NRXN1: variants seen among roughly 807,000 people sequenced by gnomAD.
The protein encoded by NRXN1 is neurexin-1.
In NRXN1, 39 loss-of-function variants were observed where a neutral mutation model predicts 150.9. The observed-to-expected ratio is 0.26, with a 90% confidence interval of 0.20 to 0.34. The LOEUF is 0.34. Ranked by LOEUF, NRXN1 falls within the 10% of genes least tolerant of loss-of-function variation. NRXN1 has a pLI of 1.00. For missense variants in NRXN1, 1,815 were observed against 1,949.9 expected (o/e 0.93, Z 1.30); for synonymous variants, 924 against 757.0 (o/e 1.22, Z -3.62).
At chr2:50,219,963 T>TAA (rs1491151631) in intron 18 of NRXN1, among the ~76,000 whole-genome samples, 16 of 60,734 alleles carry the variant, frequency 2.6e-4, no homozygotes, top group African/African-American at 1.9e-3. Context: ...AATATATATA[T>TAA]TATATATATA....
At chr2:50,952,217 C>T (rs901129915) in intron 2 of NRXN1, among the ~76,000 whole-genome samples, 11 of 151,648 alleles carry the variant, frequency 7.3e-5, no homozygotes, top group African/African-American at 2.7e-4. Context: ...CCGCCCGCCT[C>T]GGCCTCCCAA....
chr2:50,896,167 G>A (rs890699240), intron 5 of NRXN1, among the ~76,000 whole-genome samples: 11 of 152,002 alleles, frequency 7.2e-5, no homozygotes, highest in Admixed American at 4.6e-4. Flanking sequence ...GCATATCAAT[G>A]TTTCTATTCT....
chr2:50,493,004 G>A (rs2091347289), intron 15 of NRXN1, among the ~76,000 whole-genome samples: 1 of 152,200 alleles, frequency 6.6e-6, no homozygotes, highest in African/African-American at 2.4e-5. Context: ...TATGAACTTC[G>A]CAAACACCAC....
At chr2:50,497,779 C>T in intron 13 of NRXN1, 65 bp from the exon 14 acceptor site, 1 of 1,444,182 alleles carries the variant, frequency 6.9e-7, no homozygotes, top group Non-Finnish European at 9.4e-7. Context: ...TTTAGGCTTT[C>T]ATAACAATAT....
intron 21 of NRXN1, among the ~76,000 whole-genome samples, chr2:49,994,947 G>C (rs1472392995): frequency 6.6e-6 from 1 of 152,186 alleles, no homozygotes; most frequent in Non-Finnish European, 1.5e-5. Flanking sequence ...TGCTGCGAGA[G>C]AATGAAATAT....
At chr2:50,446,129 AG>A in intron 17 of NRXN1, among the ~76,000 whole-genome samples, 1 of 152,202 alleles carries the variant, frequency 6.6e-6, no homozygotes, top group South Asian at 2.1e-4. Context: ...TGGAAAAAAA[AG>A]AAAAAAAAAA....
intron 5 of NRXN1, among the ~76,000 whole-genome samples, chr2:50,761,759 C>T (rs1485247259): frequency 1.3e-5 from 2 of 151,794 alleles, no homozygotes; most frequent in East Asian, 2.0e-4. Flanking sequence ...GGAAGGGTAC[C>T]ATCCAGCTAA....
chr2:50,347,283 G>C lies in NRXN1; in HGVS notation c.3365-110313C>G. ...GGTTCTCGAGAGATACTCCCAAAGAGTTTCGGGCGAGAGTGCGTGCCGGCG... is the reference window on the plus strand; with the variant it reads ...GGTTCTCGAGAGATACTCCCAAAGACTTTCGGGCGAGAGTGCGTGCCGGCG... On this transcript the variant is annotated intron_variant, in intron 17 of 22. Coordinates refer to ENST00000401669, the MANE Select transcript of NRXN1 (RefSeq NM_001330078.2). The surrounding 1 kb of genome is among the most constrained non-coding windows in gnomAD (Gnocchi z 4.9). 7.7e-7 allele frequency: 1 copy of C among 1,294,660 alleles called. No homozygotes were observed. The highest frequency in any genetic ancestry group is 1.0e-6 in the Non-Finnish European group (1 of 994,648). 80.2% of individuals were successfully genotyped at this position (1,294,660 alleles called of 1,614,324 possible).
intron 17 of NRXN1, among the ~76,000 whole-genome samples, chr2:50,360,260 A>C (rs935845556): frequency 2.0e-5 from 3 of 152,356 alleles, no homozygotes; most frequent in Admixed American, 6.5e-5. Context: ...CAAACATAAC[A>C]ATATTAACCT....
intron 2 of NRXN1, among the ~76,000 whole-genome samples, chr2:50,966,342 TA>T (rs34410057): frequency 0.033 from 4,578 of 138,620 alleles, 229 homozygotes; most frequent in African/African-American, 0.1. Flanking sequence ...CCAAAAGAGT[TA>T]AAAAAAAAAA....
At chr2:50,627,902 T>C (rs1681457305) in intron 5 of NRXN1, among the ~76,000 whole-genome samples, 1 of 151,648 alleles carries the variant, frequency 6.6e-6, no homozygotes, top group Admixed American at 6.6e-5. Flanking sequence ...AGAAGTGATA[T>C]ATAGCATTGT....
At chr2:50,720,462 C>G (rs546935105) in intron 5 of NRXN1, among the ~76,000 whole-genome samples, 1 of 152,132 alleles carries the variant, frequency 6.6e-6, no homozygotes, top group Admixed American at 6.6e-5. Flanking sequence ...AGGGGCGCCT[C>G]CCCAGCATTA....
At chr2:50,651,456 T>C (rs888088335) in intron 5 of NRXN1, among the ~76,000 whole-genome samples, 1 of 149,996 alleles carries the variant, frequency 6.7e-6, no homozygotes, top group African/African-American at 2.5e-5. Flanking sequence ...CTACCAAAAA[T>C]AACATAACAT....
intron 18 of NRXN1, among the ~76,000 whole-genome samples, chr2:50,127,498 T>C (rs1704778528): frequency 6.6e-6 from 1 of 152,048 alleles, no homozygotes; most frequent in Non-Finnish European, 1.5e-5. Flanking sequence ...TTCCTTAGAG[T>C]TCGGTTTTCT....
chr2:50,532,601 T>C (rs1379512156), intron 10 of NRXN1, among the ~76,000 whole-genome samples: 1 of 152,176 alleles, frequency 6.6e-6, no homozygotes, highest in Non-Finnish European at 1.5e-5. Context: ...CCTGGTGTCC[T>C]GAATAAGTTC....
chr2:50,500,242 A>G (rs2091877989), intron 13 of NRXN1, among the ~76,000 whole-genome samples: 1 of 152,194 alleles, frequency 6.6e-6, no homozygotes, highest in South Asian at 2.1e-4. Flanking sequence ...AAAATAAGAC[A>G]GTATATCTGT....
intron 21 of NRXN1, among the ~76,000 whole-genome samples, chr2:50,003,816 A>G (rs565863847): frequency 6.6e-6 from 1 of 152,160 alleles, no homozygotes; most frequent in Non-Finnish European, 1.5e-5. Flanking sequence ...GAGCAATTCC[A>G]TAAGGCACTG....
In NRXN1 at chr2:50,463,066, G is replaced by A. The variant is rs1445360228; in HGVS notation, c.3364+2376C>T. On this transcript the variant is annotated intron_variant, in intron 17 of 22. Coordinates refer to ENST00000401669, the MANE Select transcript of NRXN1 (RefSeq NM_001330078.2). ...CTAGAGATGAAAATTTCATTAAGAAGTGAAATGCCTTAAATGGCTTTATTT... is the reference window on the plus strand; with the variant it reads ...CTAGAGATGAAAATTTCATTAAGAAATGAAATGCCTTAAATGGCTTTATTT... Among the ~76,000 whole-genome samples, 4 of 151,714 alleles carry A rather than the reference G, an allele frequency of 2.6e-5. 1 individual carries two copies. The highest frequency in any genetic ancestry group is 5.9e-5 in the Non-Finnish European group (4 of 67,796).
At chr2:50,055,144 T>C in intron 19 of NRXN1, 100 bp from the exon 20 acceptor site, 1 of 740,270 alleles carries the variant, frequency 1.4e-6, no homozygotes, top group Non-Finnish European at 2.1e-6. Flanking sequence ...CACATGATTT[T>C]TTGAAATTTG....
Sources: allele counts gnomAD v4.1 joint callset (sites outside exome capture counted in the v4.1 genomes callset), GRCh38; gene constraint gnomAD v4.1.1; non-coding constraint Gnocchi (gnomAD v3.1); transcripts MANE v1.5; gene names NCBI Gene and HGNC (gene_info 2026-07-23, HGNC 2026-07-21).